Variants in AP3B2 observed in about 807,000 individuals in gnomAD.
AP3B2 encodes the protein AP-3 complex subunit beta-2.
Under a neutral mutation model 126.9 loss-of-function variants are expected in AP3B2, and 50 were observed. That is an observed-to-expected ratio of 0.39 (90% confidence interval 0.31 to 0.50). The LOEUF (loss-of-function observed/expected upper bound fraction) is 0.50. AP3B2 is among the 20% of genes least tolerant of loss of function. The probability of loss-of-function intolerance (pLI) is 0.79; values close to 1 mark genes in which losing one functional copy is unlikely to be tolerated. For synonymous variants in AP3B2, 541 were observed against 565.0 expected (o/e 0.96, Z 0.60); for missense variants, 1,177 against 1,426.4 (o/e 0.83, Z 2.82).
chr15:82,661,781 A>T (rs765386365), intron 25 of AP3B2, 44 bp downstream of exon 25: 2 of 1,508,650 alleles, frequency 1.3e-6, no homozygotes, highest in African/African-American at 1.4e-5. Flanking sequence ...TTCTGGAGTC[A>T]GCTTCTATAC....
At chr15:82,704,806 C>T (rs956522508) in intron 1 of AP3B2, among the ~76,000 whole-genome samples, 17 of 152,364 alleles carry the variant, frequency 1.1e-4, no homozygotes, top group Admixed American at 2.6e-4. Context: ...AGGGTAAGTC[C>T]GTCCCCTTCT....
At chr15:82,671,172 A>T (rs940511724) in intron 14 of AP3B2, among the ~76,000 whole-genome samples, 2 of 152,116 alleles carry the variant, frequency 1.3e-5, no homozygotes, top group African/African-American at 4.8e-5. Flanking sequence ...AGTCCCAGCT[A>T]CTCAGGAGGC....
Position 82,665,384 on chromosome 15 carries a change from C to T in AP3B2, c.1971+73G>A. The T allele has an allele frequency of 3.0e-5, 3 of 98,864 alleles. No individual in the cohort carries two copies. Among genetic ancestry groups the T allele is most frequent in the Non-Finnish European group, 5.3e-5 (3 of 56,570 alleles). The allele number at this position is 98,864 out of a possible 1,614,324, so 6.1% of individuals were successfully genotyped here. ...TACTGTCTGCCCCCACCAACACACA[C>T]ACACACACACACACACACACACACA... On this transcript the variant is annotated intron_variant, in intron 16 of 26. Coordinates refer to ENST00000535359, the MANE Select transcript of AP3B2 (RefSeq NM_001278512.2). This position sits in a 1 kb window ranked among gnomAD's most constrained non-coding sequence, Gnocchi z 4.4.
intron 1 of AP3B2, among the ~76,000 whole-genome samples, chr15:82,705,331 T>C (rs1310064881): frequency 6.6e-6 from 1 of 151,964 alleles, no homozygotes; most frequent in African/African-American, 2.4e-5. Context: ...TCCTTACAAT[T>C]CCCCCATTTT....
intron 1 of AP3B2, chr15:82,692,255 G>T (rs564438273): frequency 1.1e-6 from 1 of 887,654 alleles, no homozygotes; most frequent in Non-Finnish European, 1.7e-6. Context: ...TCTTAAGCTT[G>T]ATCTTGCGGA....
intron 14 of AP3B2, among the ~76,000 whole-genome samples, chr15:82,672,325 G>A (rs1054240718): frequency 6.6e-6 from 1 of 152,154 alleles, no homozygotes; most frequent in African/African-American, 2.4e-5. Flanking sequence ...GATAGAACTA[G>A]AGGTCATTAT....
At chr15:82,701,129 G>C (rs746825610) in intron 1 of AP3B2, among the ~76,000 whole-genome samples, 3 of 152,044 alleles carry the variant, frequency 2.0e-5, no homozygotes, top group African/African-American at 4.8e-5. Context: ...CCAAAGTGCT[G>C]GGATTACAGG....
chr15:82,679,581 GAACA>G, intron 10 of AP3B2, 144 bp downstream of exon 10: 1 of 733,612 alleles, frequency 1.4e-6, no homozygotes, highest in Non-Finnish European at 2.3e-6. Flanking sequence ...CCAGCTCCCT[GAACA>G]AACAGCTCCA....
intron 3 of AP3B2, 55 bp from the exon 4 acceptor site, chr15:82,688,886 C>T (rs1039545729): frequency 1.4e-6 from 2 of 1,474,664 alleles, no homozygotes; most frequent in Non-Finnish European, 9.2e-7. Context: ...CCTGTGCCCA[C>T]CCCCCTACCC....
chr15:82,659,720 G>T lies in AP3B2; in HGVS notation c.3156-10C>A, dbSNP rs1437848632. 1 of 1,613,668 alleles carries T rather than the reference G, an allele frequency of 6.2e-7. No individual in the cohort carries two copies. Among genetic ancestry groups the T allele is most frequent in the Admixed American group, 1.7e-5 (1 of 59,988 alleles). ...TGTCCTCCCTGCAAACCTGAGGTGG[G>T]AATAGAAGGGGTGAGGAAGAGCTGC... On this transcript the variant is annotated splice_polypyrimidine_tract_variant and intron_variant, in intron 26 of 26. Coordinates refer to ENST00000535359, the MANE Select transcript of AP3B2 (RefSeq NM_001278512.2).
intron 10 of AP3B2, among the ~76,000 whole-genome samples, 162 bp downstream of exon 10, chr15:82,679,567 T>G (rs2048297533): frequency 6.6e-6 from 1 of 152,194 alleles, no homozygotes; most frequent in Non-Finnish European, 1.5e-5. Flanking sequence ...TGACCCTCCT[T>G]AGCCCAGCTC....
At position 82,664,581 on chromosome 15, in the gene AP3B2, C is replaced by G; in HGVS notation, c.2138-91G>C. On this transcript the variant is annotated intron_variant, in intron 18 of 26. Transcript: ENST00000535359. This position sits in a 1 kb window ranked among gnomAD's most constrained non-coding sequence, Gnocchi z 4.5. ...CTGGGTTCCACCTTCACATTCAGTA[C>G]TGAACCCTCAAACCTCTCTGACCTG... 2 of 1,509,974 alleles carry G rather than the reference C, an allele frequency of 1.3e-6. No homozygotes were observed. The highest frequency in any genetic ancestry group is 2.4e-5 in the South Asian group (2 of 82,614). 93.5% of individuals were successfully genotyped at this position (1,509,974 alleles called of 1,614,324 possible).
intron 4 of AP3B2, among the ~76,000 whole-genome samples, chr15:82,684,043 C>A (rs143472860): frequency 7.1e-4 from 108 of 152,338 alleles, no homozygotes; most frequent in African/African-American, 2.4e-3. Context: ...CAGAGGAGAT[C>A]TGCCATAATT....
chr15:82,695,713 C>T (rs1051008117), intron 1 of AP3B2, among the ~76,000 whole-genome samples: 1 of 152,052 alleles, frequency 6.6e-6, no homozygotes, highest in African/African-American at 2.4e-5. Flanking sequence ...TTCTGTGAGC[C>T]ACTCACAGAG....
Position 82,681,669 on chromosome 15 carries a change from C to T in AP3B2, c.361-89G>A. 8 of 1,389,460 alleles carry T rather than the reference C, an allele frequency of 5.8e-6. No homozygotes were observed. The highest frequency in any genetic ancestry group is 5.9e-6 in the Non-Finnish European group (6 of 1,021,312). 86.1% of individuals were successfully genotyped at this position (1,389,460 alleles called of 1,614,324 possible). A position where few individuals can be genotyped will look rare whatever the true frequency, so the allele number is the denominator to read the frequency against. On this transcript the variant is annotated intron_variant, in intron 4 of 26. Coordinates refer to ENST00000535359, the MANE Select transcript of AP3B2 (RefSeq NM_001278512.2). The surrounding 1 kb of genome is among the most constrained non-coding windows in gnomAD (Gnocchi z 4.0). ...CACCTTTGGAAGTCACTGTCCCCAGCGACCACTAGCTCTTGCTTCCCTGCC... is the reference window on the plus strand; with the variant it reads ...CACCTTTGGAAGTCACTGTCCCCAGTGACCACTAGCTCTTGCTTCCCTGCC...
rs1311766724 is a variant in AP3B2 at position 82,661,300 on chromosome 15, A to ATTTC, written c.3016+524_3016+525insGAAA. Among the ~76,000 whole-genome samples the ATTTC allele has an allele frequency of 6.6e-5, 10 of 152,096 alleles. 1 individual carries two copies. ...GTTGCATACTAAATAGCTCCTCCTG[A>ATTTC]ATTTCCCAAATGCATTTCAAAATCA... On this transcript the variant is annotated intron_variant, in intron 25 of 26. Transcript: ENST00000535359.
At chr15:82,666,184 G>A (rs1208181300) in intron 15 of AP3B2, among the ~76,000 whole-genome samples, 3 of 152,212 alleles carry the variant, frequency 2.0e-5, no homozygotes, top group Non-Finnish European at 2.9e-5. Context: ...CCTGGGGCCC[G>A]GAGAAGCAGC....
At chr15:82,695,335 G>C (rs779235322) in intron 1 of AP3B2, among the ~76,000 whole-genome samples, 1 of 152,076 alleles carries the variant, frequency 6.6e-6, no homozygotes, top group Non-Finnish European at 1.5e-5. Flanking sequence ...CTGACCTCAA[G>C]TGATCCACCC....
At chr15:82,660,102 T>G in intron 25 of AP3B2, 119 bp from the exon 26 acceptor site, 1 of 1,285,798 alleles carries the variant, frequency 7.8e-7, no homozygotes, top group Non-Finnish European at 1.1e-6. Flanking sequence ...AAAGGGCAGG[T>G]CAGAATTTAA....
Sources: gnomAD v4.1 joint callset for allele counts (sites outside exome capture counted in the v4.1 genomes callset) on GRCh38, gnomAD v4.1.1 for gene constraint, Gnocchi (gnomAD v3.1) non-coding constraint, MANE v1.5 for transcripts, NCBI Gene and HGNC (gene_info 2026-07-23, HGNC 2026-07-21) for gene names.